RAVER2: variants seen among roughly 807,000 people sequenced by gnomAD.
RAVER2 encodes the protein ribonucleoprotein PTB-binding 2.
Under a neutral mutation model 78.1 loss-of-function variants are expected in RAVER2, and 46 were observed. The observed-to-expected ratio is 0.59, with a 90% confidence interval of 0.46 to 0.75. RAVER2 has a LOEUF of 0.75. Among genes scored for constraint, RAVER2 ranks in the 30% least tolerant of loss-of-function variants. The pLI is 0.00. For synonymous variants in RAVER2, 311 were observed against 313.3 expected (o/e 0.99, Z 0.08); for missense variants, 793 against 837.5 (o/e 0.95, Z 0.66).
chr1:64,748,326 C>G (rs1651599090), intron 1 of RAVER2, among the ~76,000 whole-genome samples: 1 of 152,230 alleles, frequency 6.6e-6, no homozygotes, highest in African/African-American at 2.4e-5. Flanking sequence ...CTGTTAACAA[C>G]TTTTCGGTTT....
At chr1:64,753,750 C>T (rs1651770560) in intron 1 of RAVER2, among the ~76,000 whole-genome samples, 2 of 151,990 alleles carry the variant, frequency 1.3e-5, no homozygotes, top group Admixed American at 1.3e-4. Flanking sequence ...TCTCAAACTC[C>T]TGACCTTGTG....
At chr1:64,787,055 C>T (rs1652800766) in intron 4 of RAVER2, among the ~76,000 whole-genome samples, 1 of 152,120 alleles carries the variant, frequency 6.6e-6, no homozygotes, top group African/African-American at 2.4e-5. Context: ...TTATGTTTTT[C>T]ATAATCTAGC....
chr1:64,767,337 A>G (rs1322155733), intron 1 of RAVER2, among the ~76,000 whole-genome samples: 1 of 152,058 alleles, frequency 6.6e-6, no homozygotes, highest in East Asian at 1.9e-4. Flanking sequence ...GAATAAGTCA[A>G]TATGGCATAG....
At chr1:64,789,569 T>A in intron 5 of RAVER2, 55 bp downstream of exon 5, 2 of 1,325,082 alleles carry the variant, frequency 1.5e-6, no homozygotes, top group Non-Finnish European at 2.0e-6. Context: ...TGAAGTTAAT[T>A]TTTTCACATG....
At chr1:64,753,070 TACCA>T (rs1651743804) in intron 1 of RAVER2, among the ~76,000 whole-genome samples, 1 of 152,212 alleles carries the variant, frequency 6.6e-6, no homozygotes, top group African/African-American at 2.4e-5. Flanking sequence ...CTTTTGTTAC[TACCA>T]ACCAATAGTA....
At chr1:64,761,327 GC>G (rs894053383) in intron 1 of RAVER2, among the ~76,000 whole-genome samples, 5 of 151,608 alleles carry the variant, frequency 3.3e-5, no homozygotes, top group South Asian at 2.1e-4. Flanking sequence ...ACTGCGTTGG[GC>G]CCCCCCCAAA....
chr1:64,783,864 A>G (rs557730115), intron 4 of RAVER2, among the ~76,000 whole-genome samples: 1 of 152,358 alleles, frequency 6.6e-6, no homozygotes, highest in African/African-American at 2.4e-5. Flanking sequence ...CTGCACAGCA[A>G]AAGATACTGG....
intron 2 of RAVER2, among the ~76,000 whole-genome samples, chr1:64,771,415 A>G (rs1199197650): frequency 6.6e-6 from 1 of 152,064 alleles, no homozygotes. Context: ...ACTATAAGAA[A>G]TACTTAAGGA....
At position 64,804,729 on chromosome 1, in the gene RAVER2, C is replaced by G; in HGVS notation, c.1192-5C>G. 7.4e-7 allele frequency: 1 copy of G among 1,344,810 alleles called. No individual in the cohort carries two copies. Among genetic ancestry groups the G allele is most frequent in the Non-Finnish European group, 1.1e-6 (1 of 949,840 alleles). The allele number at this position is 1,344,810 out of a possible 1,614,324, so 83.3% of individuals were successfully genotyped here. A position where few individuals can be genotyped will look rare whatever the true frequency, so the allele number is the denominator to read the frequency against. ...TAAACTGACAACGTTTTGTCATTTTCACAGAGCTCAGTTATGGGTAATACT... is the reference window on the plus strand; with the variant it reads ...TAAACTGACAACGTTTTGTCATTTTGACAGAGCTCAGTTATGGGTAATACT... On this transcript the variant is annotated splice_region_variant and splice_polypyrimidine_tract_variant and intron_variant, in intron 6 of 11. Coordinates refer to ENST00000294428, the Ensembl canonical transcript of RAVER2.
At chr1:64,778,674 A>G (rs1652539944) in intron 3 of RAVER2, among the ~76,000 whole-genome samples, 1 of 150,998 alleles carries the variant, frequency 6.6e-6, no homozygotes, top group Admixed American at 6.6e-5. Context: ...ACTTTATCAT[A>G]GTAAAATTAA....
At chr1:64,797,510 A>AT (rs1653127554) in intron 5 of RAVER2, among the ~76,000 whole-genome samples, 1 of 152,210 alleles carries the variant, frequency 6.6e-6, no homozygotes, top group Admixed American at 6.5e-5. Flanking sequence ...AAAGAGAAGA[A>AT]GAGTTGTTGA....
chr1:64,785,622 GC>G (rs1371591090), intron 4 of RAVER2, among the ~76,000 whole-genome samples: 3 of 152,064 alleles, frequency 2.0e-5, no homozygotes, highest in Non-Finnish European at 4.4e-5. Flanking sequence ...GCCAGCCTCA[GC>G]CTCCCAAAGT....
chr1:64,764,776 G>A (rs781590690), intron 1 of RAVER2, among the ~76,000 whole-genome samples: 1 of 152,204 alleles, frequency 6.6e-6, no homozygotes, highest in African/African-American at 2.4e-5. Flanking sequence ...TGTTAATGCT[G>A]TAGTCTTGAG....
chr1:64,750,307 C>CT lies in RAVER2; in HGVS notation c.249+4900dup, dbSNP rs563534320. Among the ~76,000 whole-genome samples the CT allele has an allele frequency of 8.4e-3, 1,166 of 138,690 alleles. 17 individuals carry two copies. The highest frequency in any genetic ancestry group is 0.021 in the African/African-American group (793 of 38,126). 91.0% of individuals were successfully genotyped at this position (138,690 alleles called of 152,430 possible). A position where few individuals can be genotyped will look rare whatever the true frequency, so the allele number is the denominator to read the frequency against. ...GCTCTTTCTCTTTTCTTTTTCTTTTCTTTTTTTTTTTTTTAAAGAGACAGA... is the reference window on the plus strand; with the variant it reads ...GCTCTTTCTCTTTTCTTTTTCTTTTCTTTTTTTTTTTTTTTAAAGAGACAGA... On this transcript the variant is annotated intron_variant, in intron 1 of 11. Coordinates refer to ENST00000294428, the Ensembl canonical transcript of RAVER2.
At chr1:64,760,534 CA>C (rs1651991861) in intron 1 of RAVER2, among the ~76,000 whole-genome samples, 1 of 151,876 alleles carries the variant, frequency 6.6e-6, no homozygotes, top group South Asian at 2.1e-4. Flanking sequence ...AAAGCGTGGC[CA>C]AAATTAGTTC....
At chr1:64,774,020 A>G (rs1486216624) in intron 2 of RAVER2, among the ~76,000 whole-genome samples, 3 of 151,874 alleles carry the variant, frequency 2.0e-5, no homozygotes, top group Non-Finnish European at 4.4e-5. Flanking sequence ...CCACTTTTTG[A>G]TGGGGTTGTT....
chr1:64,780,102 A>C (rs1488388599), intron 3 of RAVER2, among the ~76,000 whole-genome samples: 1 of 152,186 alleles, frequency 6.6e-6, no homozygotes, highest in Admixed American at 6.5e-5. Flanking sequence ...TTAAGTTTTC[A>C]AAAGATTAAT....
exon 4 of RAVER2, chr1:64,781,408 G>A (rs1221042739): frequency 1.1e-5 from 18 of 1,610,998 alleles, no homozygotes; most frequent in Non-Finnish European, 1.5e-5. Context: ...AGTTACGTTG[G>A]TGGCTTTGCA....
At chr1:64,812,960 T>G in intron 10 of RAVER2, 111 bp downstream of exon 10, 2 of 609,888 alleles carry the variant, frequency 3.3e-6, no homozygotes, top group Non-Finnish European at 5.3e-6. Context: ...TTGACCAAAT[T>G]AAGGCCTAAA....
Sources: allele counts gnomAD v4.1 joint callset (sites outside exome capture counted in the v4.1 genomes callset), GRCh38; gene constraint gnomAD v4.1.1; transcripts MANE v1.5; gene names NCBI Gene and HGNC (gene_info 2026-07-23, HGNC 2026-07-21).